The following LMO7 variants were observed in gnomAD, a reference collection of about 807,000 sequenced individuals.
The protein encoded by LMO7 is LIM domain only protein 7.
A neutral mutation model predicts 206.5 loss-of-function variants in LMO7; 120 were observed. The ratio of observed to expected loss-of-function variants is 0.58; its 90% CI spans 0.50 to 0.68. The LOEUF (loss-of-function observed/expected upper bound fraction) is 0.68, where lower values mean the gene tolerates loss of function less well. Among genes scored for constraint, LMO7 ranks in the 30% least tolerant of loss-of-function variants. The pLI is 0.00. For synonymous variants in LMO7, 706 were observed against 681.5 expected, an observed-to-expected ratio of 1.04 and a Z score of -0.56; for missense variants, 1,959 against 1,957.9, an observed-to-expected ratio of 1.00 and a Z score of -0.01.
intron 4 of LMO7, among the ~76,000 whole-genome samples, chr13:75,769,362 G>T (rs12859043): frequency 6.6e-6 from 1 of 151,832 alleles, no homozygotes; most frequent in Non-Finnish European, 1.5e-5. Flanking sequence ...TGGGAGGCAG[G>T]ATTCTGTGTC....
At chr13:75,810,534 CT>C (rs2056234618) in intron 11 of LMO7, among the ~76,000 whole-genome samples, 1 of 152,360 alleles carries the variant, frequency 6.6e-6, no homozygotes, top group African/African-American at 2.4e-5. Flanking sequence ...ACATTATCCG[CT>C]TTCCAGCTCA....
At chr13:75,638,033 C>G (rs1441986992) in intron 1 of LMO7, among the ~76,000 whole-genome samples, 1 of 152,202 alleles carries the variant, frequency 6.6e-6, no homozygotes, top group Non-Finnish European at 1.5e-5. Context: ...TTCCCTCATT[C>G]ATAAACTTTG....
chr13:75,838,283 G>A, intron 20 of LMO7, 87 bp downstream of exon 20: 1 of 1,524,368 alleles, frequency 6.6e-7, no homozygotes, highest in Non-Finnish European at 9.0e-7. Flanking sequence ...GCTGGGCACT[G>A]AGCCTCTTCA....
intron 4 of LMO7, among the ~76,000 whole-genome samples, chr13:75,766,542 C>T (rs1044163515): frequency 6.5e-5 from 5 of 77,278 alleles, no homozygotes; most frequent in Non-Finnish European, 1.3e-4. Context: ...GAGACCTGCC[C>T]TCAGTGGGGT....
chr13:75,829,165 A>C (rs75446486), intron 15 of LMO7, among the ~76,000 whole-genome samples: 2,253 of 152,308 alleles, frequency 0.015, 52 homozygotes, highest in East Asian at 0.11. Context: ...GGAACAAACA[A>C]CACAATGAAA....
intron 1 of LMO7, among the ~76,000 whole-genome samples, chr13:75,697,714 A>G (rs1422831887): frequency 6.6e-6 from 1 of 152,248 alleles, no homozygotes; most frequent in Non-Finnish European, 1.5e-5. Context: ...TTAAGATACT[A>G]TTCTTCATGC....
chr13:75,708,508 T>G (rs184134870), intron 1 of LMO7, among the ~76,000 whole-genome samples: 8 of 152,342 alleles, frequency 5.3e-5, no homozygotes, highest in African/African-American at 1.9e-4. Context: ...GGCTTTGCTA[T>G]GACTAGAGAG....
chr13:75,736,304 C>T lies in LMO7; in HGVS notation c.210+9206C>T, dbSNP rs554240570. Among the ~76,000 whole-genome samples the T allele has an allele frequency of 2.0e-5, 3 of 152,258 alleles. No individual in the cohort carries two copies. In the East Asian group the frequency reaches 5.8e-4, roughly 29 times the overall value. On this transcript the variant is annotated intron_variant, in intron 3 of 30. Coordinates refer to ENST00000377534, the MANE Select transcript of LMO7 (RefSeq NM_001306080.2). ...ACCACAGCTGCAGAACTGGGCTAAG[C>T]CCAATTGGTTTAAAGTTGTCATCAT...
At chr13:75,852,000 T>A (rs530077221) in intron 27 of LMO7, among the ~76,000 whole-genome samples, 1 of 152,340 alleles carries the variant, frequency 6.6e-6, no homozygotes, top group South Asian at 2.1e-4. Flanking sequence ...TCAATAAGTT[T>A]AATATTTTTG....
chr13:75,824,396 C>T (rs918642574), intron 15 of LMO7, among the ~76,000 whole-genome samples: 4 of 152,092 alleles, frequency 2.6e-5, no homozygotes, highest in Admixed American at 2.0e-4. Context: ...CTATAATTTT[C>T]GATGGTCCCT....
chr13:75,651,309 CTTT>C (rs33997803), intron 1 of LMO7, among the ~76,000 whole-genome samples: 2 of 135,448 alleles, frequency 1.5e-5, no homozygotes, highest in Non-Finnish European at 1.6e-5. Flanking sequence ...GTGTGGTTTC[CTTT>C]TTTTTTTTTT....
At chr13:75,780,197 G>C (rs969410146) in intron 4 of LMO7, among the ~76,000 whole-genome samples, 1 of 152,148 alleles carries the variant, frequency 6.6e-6, no homozygotes, top group East Asian at 1.9e-4. Flanking sequence ...AGGAAACAGG[G>C]TTCAAGAGCA....
chr13:75,632,538 A>G (rs1212260576), upstream of LMO7, among the ~76,000 whole-genome samples: 1 of 152,134 alleles, frequency 6.6e-6, no homozygotes, highest in East Asian at 1.9e-4. Flanking sequence ...TCTCACAACA[A>G]TCCTTTGAAG....
intron 26 of LMO7, among the ~76,000 whole-genome samples, chr13:75,846,370 T>G (rs1399783076): frequency 6.6e-6 from 1 of 152,222 alleles, no homozygotes; most frequent in Admixed American, 6.5e-5. Context: ...TATTTTTCTG[T>G]TAATGGGTCC....
chr13:75,689,406 A>G (rs2041271459), intron 1 of LMO7, among the ~76,000 whole-genome samples: 1 of 152,210 alleles, frequency 6.6e-6, no homozygotes, highest in South Asian at 2.1e-4. Context: ...ACAGCATTTC[A>G]TGAACATACT....
At position 75,853,344 on chromosome 13, in the gene LMO7, C is replaced by A. The variant is rs770560784; in HGVS notation, c.4617C>A (p.Ser1539Arg). Residue 1539 changes from serine (S) to arginine (R), a missense_variant, in exon 28 of 31, where the codon AGC becomes AGA. Transcript: ENST00000377534. Reference protein sequence around the residue: ...VATTQSPTPRSHSPSASQSGS... With the variant: ...VATTQSPTPRRHSPSASQSGS... ...CCACACAGTCCCCCACCCCGAGAAGCCATTCCCCTTCAGCTTCACAGTCAG... is the reference window on the plus strand; with the variant it reads ...CCACACAGTCCCCCACCCCGAGAAGACATTCCCCTTCAGCTTCACAGTCAG... The A allele has an allele frequency of 4.3e-5, 69 of 1,612,570 alleles. No homozygotes were observed. Among genetic ancestry groups the A allele is most frequent in the Non-Finnish European group, 5.9e-5 (69 of 1,179,250 alleles).
chr13:75,627,717 T>C (rs574509805), intron 2 of LMO7: 32 of 152,254 alleles, frequency 2.1e-4, no homozygotes, highest in African/African-American at 7.7e-4. Context: ...TTTTTTTCGT[T>C]TCATGGGCTT....
chr13:75,734,320 G>A (rs1031206777), intron 3 of LMO7, among the ~76,000 whole-genome samples: 3 of 152,102 alleles, frequency 2.0e-5, no homozygotes, highest in African/African-American at 7.2e-5. Context: ...TACAAATGAT[G>A]GATAATTTTT....
chr13:75,702,396 G>A (rs753203933), intron 1 of LMO7, among the ~76,000 whole-genome samples: 1 of 152,184 alleles, frequency 6.6e-6, no homozygotes, highest in Non-Finnish European at 1.5e-5. Context: ...TGACCACTGT[G>A]AGACTTTTGG....
Sources: gnomAD v4.1 joint callset for allele counts (sites outside exome capture counted in the v4.1 genomes callset) on GRCh38, gnomAD v4.1.1 for gene constraint, MANE v1.5 for transcripts, NCBI Gene and HGNC (gene_info 2026-07-23, HGNC 2026-07-21) for gene names.